ITPR1: variants seen among roughly 807,000 people sequenced by gnomAD.
ITPR1 encodes inositol 1,4,5-trisphosphate-gated calcium channel ITPR1.
In ITPR1, 96 loss-of-function variants were observed where a neutral mutation model predicts 318.4. The observed-to-expected ratio is 0.30, with a 90% CI of 0.26 to 0.36. ITPR1 has a LOEUF of 0.36. ITPR1 is among the 10% of genes least tolerant of loss of function. ITPR1 has a pLI of 1.00. For synonymous variants in ITPR1, 1,312 were observed against 1,289.9 expected (o/e 1.02, Z -0.37); for missense variants, 2,440 against 3,460.2 (o/e 0.71, Z 7.40).
intron 4 of ITPR1, among the ~76,000 whole-genome samples, chr3:4,561,677 C>G (rs1485217628): frequency 6.6e-6 from 1 of 151,460 alleles, no homozygotes; most frequent in African/African-American, 2.4e-5. Flanking sequence ...CTGGGGACTT[C>G]TTTATTATTT....
intron 59 of ITPR1, chr3:4,816,252 G>T (rs1403025806): frequency 6.6e-6 from 1 of 152,154 alleles, no homozygotes; most frequent in Admixed American, 6.5e-5. Flanking sequence ...ACCATGCCTC[G>T]TGAGCCTCCG....
chr3:4,665,402 C>A (rs2093924809), intron 17 of ITPR1, 106 bp downstream of exon 17: 3 of 1,006,492 alleles, frequency 3.0e-6, no homozygotes, highest in Non-Finnish European at 4.4e-6. Flanking sequence ...AGAATGGATG[C>A]AGAATAGTTC....
intron 44 of ITPR1, among the ~76,000 whole-genome samples, chr3:4,758,775 T>C (rs2045215982): frequency 1.3e-5 from 2 of 152,182 alleles, no homozygotes; most frequent in African/African-American, 4.8e-5. Flanking sequence ...AATTATGGCC[T>C]TGGCTCCTTG....
rs148606632 is a variant in ITPR1 at position 4,804,845 on chromosome 3, G to A, written c.7108-1258G>A. On this transcript the variant is annotated intron_variant, in intron 54 of 61. Coordinates refer to ENST00000649015, the MANE Select transcript of ITPR1 (RefSeq NM_001378452.1). Reference sequence around the variant, plus strand: ...CGGCTTCCTCGCTTATCTGATTGCCGAGAAGCTCACTTACACCGACCTACC... The same window carrying A: ...CGGCTTCCTCGCTTATCTGATTGCCAAGAAGCTCACTTACACCGACCTACC... Among the ~76,000 whole-genome samples, 7 of 152,224 alleles carry A rather than the reference G, an allele frequency of 4.6e-5. No individual in the cohort carries two copies. In the East Asian group the frequency reaches 7.7e-4, roughly 17 times the overall value.
At chr3:4,793,153 T>C (rs1473875551) in intron 52 of ITPR1, among the ~76,000 whole-genome samples, 1 of 152,242 alleles carries the variant, frequency 6.6e-6, no homozygotes, top group Non-Finnish European at 1.5e-5. Context: ...TTTGTCCAGA[T>C]TGAAAACAAC....
chr3:4,770,607 C>T (rs556863721), intron 46 of ITPR1, among the ~76,000 whole-genome samples: 107 of 152,304 alleles, frequency 7.0e-4, no homozygotes, highest in African/African-American at 2.4e-3. Context: ...GTGCCTGGCC[C>T]ATTTCAGCCT....
Position 4,747,143 on chromosome 3 carries a change from G to T in ITPR1, c.5544+11789G>T, listed in dbSNP as rs568960284. 5.4e-4 allele frequency among the ~76,000 whole-genome samples: 82 copies of T among 152,296 alleles called. 1 individual carries two copies. In the South Asian group the frequency reaches 0.017, roughly 31 times the overall value. On this transcript the variant is annotated intron_variant, in intron 44 of 61. Transcript: ENST00000649015. ...AACTTGGAGAAATAGCCTTATGATG[G>T]CAGCAGTCCTCTTTTCTTCTTCTTT...
At position 4,768,775 on chromosome 3, in the gene ITPR1, G is replaced by A; in HGVS notation, c.5979+11G>A. ...AACCGAGACCTGCAGGTGAGGGCCT[G>A]GGGGTGGGGGCGTGGAGGGAGCTCG... On this transcript the variant is annotated intron_variant, in intron 46 of 61. Coordinates refer to ENST00000649015, the MANE Select transcript of ITPR1 (RefSeq NM_001378452.1). The A allele has an allele frequency of 6.2e-7, 1 of 1,603,236 alleles. No homozygotes were observed. Among genetic ancestry groups the A allele is most frequent in the Non-Finnish European group, 8.5e-7 (1 of 1,171,778 alleles).
intron 4 of ITPR1, among the ~76,000 whole-genome samples, chr3:4,522,381 G>C (rs2082637173): frequency 6.6e-6 from 1 of 152,028 alleles, no homozygotes; most frequent in Non-Finnish European, 1.5e-5. Context: ...TGACTTTTTT[G>C]GATAAAAGCT....
At chr3:4,614,989 A>C (rs2092327104) in intron 4 of ITPR1, among the ~76,000 whole-genome samples, 1 of 152,210 alleles carries the variant, frequency 6.6e-6, no homozygotes, top group African/African-American at 2.4e-5. Context: ...ACATAAGCCC[A>C]AAAGGAAACT....
At chr3:4,563,470 C>T (rs563620923) in intron 4 of ITPR1, among the ~76,000 whole-genome samples, 1 of 152,296 alleles carries the variant, frequency 6.6e-6, no homozygotes, top group East Asian at 1.9e-4. Context: ...GATCATACCA[C>T]TGCACTCCAG....
chr3:4,788,639 C>T (rs572689865), intron 52 of ITPR1, among the ~76,000 whole-genome samples: 3 of 152,312 alleles, frequency 2.0e-5, no homozygotes, highest in Non-Finnish European at 4.4e-5. Flanking sequence ...CATTGCTCAC[C>T]AGCGAGTCCC....
chr3:4,700,117 G>C (rs1443360735), intron 35 of ITPR1, among the ~76,000 whole-genome samples, 176 bp downstream of exon 35: 2 of 152,150 alleles, frequency 1.3e-5, no homozygotes, highest in Non-Finnish European at 2.9e-5. Flanking sequence ...AGAAGTACCT[G>C]GGGATATTTT....
At chr3:4,815,750 T>A (rs1197308200) in intron 59 of ITPR1, among the ~76,000 whole-genome samples, 2 of 152,140 alleles carry the variant, frequency 1.3e-5, no homozygotes, top group Non-Finnish European at 2.9e-5. Flanking sequence ...ATTTCAGGAT[T>A]ATTCATAATA....
intron 22 of ITPR1, 86 bp from the exon 23 acceptor site, chr3:4,674,982 C>T: frequency 1.4e-6 from 1 of 699,444 alleles, no homozygotes; most frequent in Non-Finnish European, 2.4e-6. Context: ...CCAAGTCTGT[C>T]ATTTCTAAAC....
intron 4 of ITPR1, among the ~76,000 whole-genome samples, chr3:4,624,989 A>G (rs905405006): frequency 1.3e-5 from 2 of 152,098 alleles, no homozygotes; most frequent in Non-Finnish European, 2.9e-5. Flanking sequence ...AGGTGGGGAG[A>G]GCAGATTGGT....
intron 4 of ITPR1, among the ~76,000 whole-genome samples, chr3:4,583,007 T>C (rs1222118152): frequency 6.6e-6 from 1 of 152,204 alleles, no homozygotes; most frequent in African/African-American, 2.4e-5. Context: ...CAGCCTTTAC[T>C]TTAGCAATCT....
At chr3:4,761,809 T>C (rs969724682) in intron 44 of ITPR1, among the ~76,000 whole-genome samples, 4 of 152,106 alleles carry the variant, frequency 2.6e-5, no homozygotes, top group African/African-American at 9.7e-5. Context: ...CCACCAGCCA[T>C]AGGGAGACAG....
chr3:4,555,648 A>G (rs2086049449), intron 4 of ITPR1, among the ~76,000 whole-genome samples: 1 of 152,208 alleles, frequency 6.6e-6, no homozygotes, highest in South Asian at 2.1e-4. Flanking sequence ...TTTTTTCAGC[A>G]TTTGAGGATT....
Sources: allele counts gnomAD v4.1 joint callset (sites outside exome capture counted in the v4.1 genomes callset), GRCh38; gene constraint gnomAD v4.1.1; transcripts MANE v1.5; gene names NCBI Gene and HGNC (gene_info 2026-07-23, HGNC 2026-07-21).